The following FLOT2 variants were observed in gnomAD, a reference collection of about 807,000 sequenced individuals.
FLOT2 encodes flotillin 2.
A neutral mutation model predicts 54.9 loss-of-function variants in FLOT2; 35 were observed. That is an observed-to-expected ratio of 0.64 (90% CI 0.49 to 0.84). The LOEUF is 0.84. FLOT2 is among the 40% of genes least tolerant of loss of function. The pLI is 0.00. For synonymous variants in FLOT2, 207 were observed against 228.9 expected (o/e 0.90, Z 0.86); for missense variants, 464 against 572.1 (o/e 0.81, Z 1.93).
intron 2 of FLOT2, chr17:28,886,066 G>GGGGA: frequency 1.7e-6 from 1 of 588,928 alleles, no homozygotes; most frequent in South Asian, 1.6e-5. Context: ...GGCGGGGGGG[G>GGGGA]GCATGCTGTC....
At chr17:28,885,510 G>T in intron 2 of FLOT2, 1 of 701,508 alleles carries the variant, frequency 1.4e-6, no homozygotes, top group South Asian at 1.5e-5. Flanking sequence ...ACCCACACAT[G>T]ACAGAGTAAG....
Position 28,882,845 on chromosome 17 carries a change from T to C in FLOT2, c.347-154A>G. 1.5e-6 allele frequency: 1 copy of C among 663,846 alleles called. No individual in the cohort carries two copies. The highest frequency in any genetic ancestry group is 2.6e-6 in the Non-Finnish European group (1 of 381,198). 41.1% of individuals were successfully genotyped at this position (663,846 alleles called of 1,614,324 possible). A position where few individuals can be genotyped will look rare whatever the true frequency, so the allele number is the denominator to read the frequency against. On this transcript the variant is annotated intron_variant, in intron 4 of 10. Coordinates refer to ENST00000394908, the MANE Select transcript of FLOT2 (RefSeq NM_004475.3). The surrounding 1 kb of genome is among the most constrained non-coding windows in gnomAD (Gnocchi z 5.6). Reference sequence around the variant, plus strand: ...TTCTCAACAGCACTTAACACCGAGCTTCCTGCTGCACAGTCCAGGCTGAAT... The same window carrying C: ...TTCTCAACAGCACTTAACACCGAGCCTCCTGCTGCACAGTCCAGGCTGAAT...
chr17:28,890,480 G>A (rs1205608612), intron 1 of FLOT2, among the ~76,000 whole-genome samples: 11 of 150,612 alleles, frequency 7.3e-5, no homozygotes, highest in African/African-American at 1.7e-4. Flanking sequence ...TCCACCTCCC[G>A]GGTTCACGCG....
rs2039760559 is a variant in FLOT2 at position 28,897,388 on chromosome 17, G to A, written c.49+138C>T. The A allele has an allele frequency of 2.7e-6, 2 of 732,822 alleles. No individual in the cohort carries two copies. The highest frequency in any genetic ancestry group is 2.2e-6 in the Non-Finnish European group (1 of 464,982). 45.4% of individuals were successfully genotyped at this position (732,822 alleles called of 1,614,324 possible). A position where few individuals can be genotyped will look rare whatever the true frequency, so the allele number is the denominator to read the frequency against. On this transcript the variant is annotated intron_variant, in intron 1 of 10. Transcript: ENST00000394908. This position sits in a 1 kb window ranked among gnomAD's most constrained non-coding sequence, Gnocchi z 4.4. ...GTGAGCACGAGATCTCTCTTGGAAG[G>A]GGCCTCAGGTGCGGCCCGGGGGCCA...
chr17:28,880,283 G>C lies in FLOT2; in HGVS notation c.*278C>G. 4.5e-6 allele frequency: 6 copies of C among 1,345,428 alleles called. No individual in the cohort carries two copies. The highest frequency in any genetic ancestry group is 5.7e-6 in the Non-Finnish European group (6 of 1,047,540). The allele number at this position is 1,345,428 out of a possible 1,614,324, so 83.3% of individuals were successfully genotyped here. A position where few individuals can be genotyped will look rare whatever the true frequency, so the allele number is the denominator to read the frequency against. On this transcript the variant is annotated 3_prime_UTR_variant, in exon 11 of 11. Coordinates refer to ENST00000394908, the MANE Select transcript of FLOT2 (RefSeq NM_004475.3). ...CAGCTTAATCTACATGATGTGCATG[G>C]GGGAAAGAAAAAGACAGACAAAGGA...
At chr17:28,894,351 T>C (rs2039705152) in intron 1 of FLOT2, among the ~76,000 whole-genome samples, 1 of 152,046 alleles carries the variant, frequency 6.6e-6, no homozygotes, top group African/African-American at 2.4e-5. Context: ...CAGCCAGGCA[T>C]GGTGGCTAAC....
Position 28,897,458 on chromosome 17 carries a change from G to A in FLOT2, c.49+68C>T. ...GGACTCAGGCCCAGCTCTTCCCCGT[G>A]CACTCCCCAGCCCTGCACCCACCCC... On this transcript the variant is annotated intron_variant, in intron 1 of 10. Transcript: ENST00000394908. The surrounding 1 kb of genome is among the most constrained non-coding windows in gnomAD (Gnocchi z 4.4). 1.4e-6 allele frequency: 2 copies of A among 1,442,552 alleles called. No individual in the cohort carries two copies. The highest frequency in any genetic ancestry group is 1.9e-6 in the Non-Finnish European group (2 of 1,060,880). The allele number at this position is 1,442,552 out of a possible 1,614,324, so 89.4% of individuals were successfully genotyped here.
At chr17:28,894,616 CTTTTTTTTTTTTTTT>C (rs34266130) in intron 1 of FLOT2, among the ~76,000 whole-genome samples, 2 of 47,424 alleles carry the variant, frequency 4.2e-5, no homozygotes, top group Non-Finnish European at 8.1e-5. Flanking sequence ...AGAGCAAGAC[CTTTTTTTTTTTTTTT>C]TTTTTTTTTT....
intron 1 of FLOT2, among the ~76,000 whole-genome samples, chr17:28,890,859 C>CT (rs397836967): frequency 1.4e-4 from 5 of 35,858 alleles, no homozygotes; most frequent in Non-Finnish European, 3.4e-4. Flanking sequence ...GTTATCATTT[C>CT]TTCTTTTTTT....
At chr17:28,889,398 C>T (rs540771394) in intron 1 of FLOT2, among the ~76,000 whole-genome samples, 16 of 151,494 alleles carry the variant, frequency 1.1e-4, no homozygotes, top group Admixed American at 2.6e-4. Context: ...GGCGCAGTCT[C>T]GGCTCACTGC....
In FLOT2 at chr17:28,883,300, T is replaced by C; in HGVS notation, c.223-69A>G. On this transcript the variant is annotated intron_variant, in intron 3 of 10. Coordinates refer to ENST00000394908, the MANE Select transcript of FLOT2 (RefSeq NM_004475.3). This position sits in a 1 kb window ranked among gnomAD's most constrained non-coding sequence, Gnocchi z 5.0. The stretch of plus-strand genomic sequence containing the variant: ...CAGACAAAGGCCCCAGACCCAGAGG[T>C]AGGCAGGATGGTGGCTGTGCCTCCT... 6.3e-7 allele frequency: 1 copy of C among 1,595,188 alleles called. No homozygotes were observed. The highest frequency in any genetic ancestry group is 8.6e-7 in the Non-Finnish European group (1 of 1,168,622).
intron 1 of FLOT2, among the ~76,000 whole-genome samples, chr17:28,896,137 G>A (rs547996932): frequency 1.3e-5 from 2 of 152,154 alleles, no homozygotes; most frequent in African/African-American, 2.4e-5. Context: ...CTAAAATAGC[G>A]TTGAAGCTAA....
chr17:28,881,887 C>T lies in FLOT2; in HGVS notation c.841G>A (p.Glu281Lys). Residue 281 changes from glutamate to lysine, a missense_variant, in exon 8 of 11, where the codon GAG becomes AAG. By Grantham distance (56) the Glu-to-Lys change is moderately conservative (BLOSUM62 1). Transcript: ENST00000394908. ...EAQEILRTDK[E>K]LIATVRRPAE... Reference sequence around the variant, plus strand: ...GGCCGGCGCACTGTAGCGATGAGCTCCTTGTCCGTACGCAGGATCTCCTGT... The same window carrying T: ...GGCCGGCGCACTGTAGCGATGAGCTTCTTGTCCGTACGCAGGATCTCCTGT... The T allele has an allele frequency of 6.2e-7, 1 of 1,613,772 alleles. No homozygotes were observed. Among genetic ancestry groups the T allele is most frequent in the African/African-American group, 1.3e-5 (1 of 75,072 alleles).
At position 28,884,133 on chromosome 17, in the gene FLOT2, C is replaced by T; in HGVS notation, c.222+92G>A. On this transcript the variant is annotated intron_variant, in intron 3 of 10. Coordinates refer to ENST00000394908, the MANE Select transcript of FLOT2 (RefSeq NM_004475.3). The surrounding 1 kb of genome is among the most constrained non-coding windows in gnomAD (Gnocchi z 5.1). Reference sequence around the variant, plus strand: ...GGGCTGGGGTGCTGGAGAGAGACTGCCCCTGGCTGCTGTCCTCTCCTCCTC... The same window carrying T: ...GGGCTGGGGTGCTGGAGAGAGACTGTCCCTGGCTGCTGTCCTCTCCTCCTC... The T allele has an allele frequency of 3.2e-6, 3 of 937,474 alleles. No individual in the cohort carries two copies. The highest frequency in any genetic ancestry group is 5.2e-6 in the Non-Finnish European group (3 of 573,442). The allele number at this position is 937,474 out of a possible 1,614,324, so 58.1% of individuals were successfully genotyped here.
At chr17:28,885,006 G>A (rs2039516447) in intron 2 of FLOT2, among the ~76,000 whole-genome samples, 1 of 152,232 alleles carries the variant, frequency 6.6e-6, no homozygotes, top group South Asian at 2.1e-4. Context: ...CCTGGAAAGA[G>A]TTGTTCTGGC....
Position 28,880,305 on chromosome 17 carries a change from A to T in FLOT2, c.*256T>A. 1 of 1,365,660 alleles carries T rather than the reference A, an allele frequency of 7.3e-7. No homozygotes were observed. Among genetic ancestry groups the T allele is most frequent in the Non-Finnish European group, 9.4e-7 (1 of 1,060,378 alleles). The allele number at this position is 1,365,660 out of a possible 1,614,324, so 84.6% of individuals were successfully genotyped here. On this transcript the variant is annotated 3_prime_UTR_variant, in exon 11 of 11. Transcript: ENST00000394908. ...ATGGGGGAAAGAAAAAGACAGACAA[A>T]GGAAAAGACACGCAGGGAGATGAGA...
Position 28,880,513 on chromosome 17 carries a change from T to C in FLOT2, c.*48A>G. 1 of 1,602,918 alleles carries C rather than the reference T, an allele frequency of 6.2e-7. No homozygotes were observed. Among genetic ancestry groups the C allele is most frequent in the East Asian group, 2.2e-5 (1 of 44,782 alleles). On this transcript the variant is annotated 3_prime_UTR_variant, in exon 11 of 11. Transcript: ENST00000394908. ...TGTTCTGTGGGATTAAAACGGGTGC[T>C]GGAGGGAGGGCCGGGTGGCTGCTGA...
Position 28,882,007 on chromosome 17 carries a change from A to G in FLOT2, c.721T>C (p.Tyr241His). The G allele has an allele frequency of 6.2e-7, 1 of 1,614,084 alleles. No homozygotes were observed. The highest frequency in any genetic ancestry group is 8.5e-7 in the Non-Finnish European group (1 of 1,180,000). Residue 241 changes from tyrosine (Y) to histidine (H), a missense_variant, in exon 8 of 11, where the codon TAT becomes CAT. By Grantham distance (83) the Tyr-to-His change is moderately conservative. Transcript: ENST00000394908. This position sits in a 1 kb window ranked among gnomAD's most constrained non-coding sequence, Gnocchi z 5.6. ...TGTTCACGGGCCCCCTGCAGCTCAT[A>G]GGCCAACTGGGCCTCAGCTGTCTGT... ...NIKTAEAQLAYELQGAREQQK... is the reference protein window; with the variant it reads ...NIKTAEAQLAHELQGAREQQK...
intron 1 of FLOT2, among the ~76,000 whole-genome samples, chr17:28,891,517 G>A (rs1413994524): frequency 2.0e-5 from 3 of 152,230 alleles, no homozygotes; most frequent in Non-Finnish European, 2.9e-5. Flanking sequence ...GCTGATACTG[G>A]CAGACAACTT....
Sources: allele counts gnomAD v4.1 joint callset (sites outside exome capture counted in the v4.1 genomes callset), GRCh38; gene constraint gnomAD v4.1.1; non-coding constraint Gnocchi (gnomAD v3.1); transcripts MANE v1.5; gene names NCBI Gene and HGNC (gene_info 2026-07-23, HGNC 2026-07-21).